PPP1R12B: variants seen among roughly 807,000 people sequenced by gnomAD.
The protein encoded by PPP1R12B is myosin phosphatase target subunit 2.
PPP1R12B carries 76 observed loss-of-function variants against 126.1 expected under a neutral mutation model. The ratio of observed to expected loss-of-function variants is 0.60; its 90% CI spans 0.50 to 0.73. The LOEUF is 0.73. Ranked by LOEUF, PPP1R12B falls within the 30% of genes least tolerant of loss-of-function variation. The pLI, the probability that PPP1R12B is intolerant of heterozygous loss-of-function variation, is 0.00. For missense variants in PPP1R12B, 1,052 were observed against 1,205.1 expected (o/e 0.87, Z 1.88); for synonymous variants, 356 against 434.7 (o/e 0.82, Z 2.25).
intron 15 of PPP1R12B, among the ~76,000 whole-genome samples, chr1:202,493,527 A>G (rs993462359): frequency 3.3e-5 from 5 of 152,184 alleles, no homozygotes; most frequent in African/African-American, 1.2e-4. Context: ...GAGTTCACTG[A>G]TGCTTTTGAA....
intron 13 of PPP1R12B, among the ~76,000 whole-genome samples, chr1:202,475,566 A>G (rs1187426472): frequency 3.3e-5 from 5 of 152,208 alleles, no homozygotes; most frequent in African/African-American, 1.2e-4. Context: ...TTGTGGTGCA[A>G]TATAAGAAAA....
intron 23 of PPP1R12B, chr1:202,576,090 C>T (rs1039235392): frequency 6.6e-6 from 1 of 152,352 alleles, no homozygotes; most frequent in African/African-American, 2.4e-5. Flanking sequence ...AGTGTGTGGG[C>T]TGTGAGGCAG....
intron 12 of PPP1R12B, 22 bp downstream of exon 12, chr1:202,442,594 G>A: frequency 1.9e-6 from 3 of 1,596,310 alleles, no homozygotes; most frequent in East Asian, 2.2e-5. Context: ...AAAGGGGGTG[G>A]GAGATGTTTC....
chr1:202,436,506 G>T (rs549267304), intron 9 of PPP1R12B, among the ~76,000 whole-genome samples: 1 of 152,274 alleles, frequency 6.6e-6, no homozygotes, highest in East Asian at 1.9e-4. Context: ...GCTGTATCAG[G>T]CAGTAAAGGT....
At chr1:202,513,942 G>A (rs944346745) in intron 18 of PPP1R12B, among the ~76,000 whole-genome samples, 2 of 152,222 alleles carry the variant, frequency 1.3e-5, no homozygotes, top group Admixed American at 1.3e-4. Flanking sequence ...AGCCTGGAAA[G>A]GAGAGTTCTG....
intron 13 of PPP1R12B, among the ~76,000 whole-genome samples, chr1:202,488,009 A>G (rs1245895294): frequency 6.6e-6 from 1 of 152,256 alleles, no homozygotes; most frequent in East Asian, 1.9e-4. Flanking sequence ...AGTTTAATTT[A>G]TAATTAGGCA....
Position 202,570,493 on chromosome 1 carries a change from T to C in PPP1R12B, c.2862+1296T>C, listed in dbSNP as rs372647144. Among the ~76,000 whole-genome samples, 9 of 152,302 alleles carry C rather than the reference T, an allele frequency of 5.9e-5. No homozygotes were observed. The East Asian group carries it at 1.5e-3, about 26-fold the overall frequency. On this transcript the variant is annotated intron_variant, in intron 23 of 23. Coordinates refer to ENST00000608999, the MANE Select transcript of PPP1R12B (RefSeq NM_002481.4). ...TAGAATTTTAAGCAATACCTGCTTA[T>C]ATCTCAAACATTTTAAATCTTCCAA...
chr1:202,500,648 A>G (rs1322435863), intron 18 of PPP1R12B, among the ~76,000 whole-genome samples: 1 of 152,186 alleles, frequency 6.6e-6, no homozygotes, highest in Non-Finnish European at 1.5e-5. Flanking sequence ...AATAAGTTCT[A>G]GTGTTCTATA....
chr1:202,419,187 G>T lies in PPP1R12B; in HGVS notation c.422+2270G>T, dbSNP rs1668461970. Among the ~76,000 whole-genome samples, 1 of 152,098 alleles carries T rather than the reference G, an allele frequency of 6.6e-6. No individual in the cohort carries two copies. The highest frequency in any genetic ancestry group is 2.4e-5 in the African/African-American group (1 of 41,416). Reference sequence around the variant, plus strand: ...TTTTACATTTTTTTTATGAATAAATGTTTCACTTAGAAGCAGCAGATTGAC... The same window carrying T: ...TTTTACATTTTTTTTATGAATAAATTTTTCACTTAGAAGCAGCAGATTGAC... On this transcript the variant is annotated intron_variant, in intron 2 of 23. Transcript: ENST00000608999. The surrounding 1 kb of genome is among the most constrained non-coding windows in gnomAD (Gnocchi z 4.6).
intron 8 of PPP1R12B, among the ~76,000 whole-genome samples, chr1:202,434,021 A>T (rs929078662): frequency 6.6e-6 from 1 of 152,250 alleles, no homozygotes; most frequent in Non-Finnish European, 1.5e-5. Flanking sequence ...CATGAGAGAT[A>T]TAAGTGTAGT....
chr1:202,391,166 T>C, intron 1 of PPP1R12B, among the ~76,000 whole-genome samples: 1 of 151,982 alleles, frequency 6.6e-6, no homozygotes, highest in South Asian at 2.1e-4. Flanking sequence ...ACTTTAATAA[T>C]AAATAAATAA....
rs1365310142 is a variant in PPP1R12B at position 202,424,354 on chromosome 1, C to T, written c.542-1212C>T. ...TTTTTTTTTTTTTGAGACAGAGTCT[C>T]ACTGTGTCTCCCAGGCTGGAGTGCA... On this transcript the variant is annotated intron_variant, in intron 3 of 23. Coordinates refer to ENST00000608999, the MANE Select transcript of PPP1R12B (RefSeq NM_002481.4). Among the ~76,000 whole-genome samples the T allele has an allele frequency of 6.0e-5, 9 of 149,876 alleles. No individual in the cohort carries two copies. In the East Asian group the frequency reaches 1.8e-3, roughly 29 times the overall value.
At chr1:202,352,987 G>T (rs1157034871) in intron 1 of PPP1R12B, among the ~76,000 whole-genome samples, 1 of 152,224 alleles carries the variant, frequency 6.6e-6, no homozygotes, top group Non-Finnish European at 1.5e-5. Flanking sequence ...GTTTGTAGTT[G>T]AATAAGCCTT....
intron 14 of PPP1R12B, among the ~76,000 whole-genome samples, chr1:202,489,902 A>C (rs1678644066): frequency 6.6e-6 from 1 of 152,242 alleles, no homozygotes; most frequent in Non-Finnish European, 1.5e-5. Context: ...GAAGCAGTTT[A>C]AGGGAATATG....
chr1:202,386,055 T>C (rs1663079771), intron 1 of PPP1R12B, among the ~76,000 whole-genome samples: 1 of 151,630 alleles, frequency 6.6e-6, no homozygotes, highest in Non-Finnish European at 1.5e-5. Flanking sequence ...TGCCTCAGCC[T>C]CCCTAGTAGC....
At chr1:202,362,652 G>GT (rs1558130594) in intron 1 of PPP1R12B, among the ~76,000 whole-genome samples, 5 of 124,390 alleles carry the variant, frequency 4.0e-5, no homozygotes, top group South Asian at 3.3e-4. Context: ...CAAGGCCCAG[G>GT]GTTTTTGTTT....
Position 202,434,639 on chromosome 1 carries a change from CT to C in PPP1R12B, c.1142-15del. The stretch of plus-strand genomic sequence containing the variant: ...TTTTATACTAGTACTTGTTAATTCT[CT>C]TGTCTTAAATAACAGATAAAAAGCC... On this transcript the variant is annotated splice_polypyrimidine_tract_variant and intron_variant, in intron 8 of 23. Transcript: ENST00000608999. The C allele has an allele frequency of 3.1e-6, 5 of 1,600,872 alleles. No individual in the cohort carries two copies. The highest frequency in any genetic ancestry group is 4.2e-6 in the Non-Finnish European group (5 of 1,177,028).
intron 13 of PPP1R12B, among the ~76,000 whole-genome samples, chr1:202,488,205 A>T (rs1394216941): frequency 3.9e-5 from 6 of 152,260 alleles, no homozygotes; most frequent in African/African-American, 4.8e-5. Flanking sequence ...ATGGAACAGC[A>T]TGAAATTTCA....
At chr1:202,466,080 C>T (rs1283359184) in intron 13 of PPP1R12B, among the ~76,000 whole-genome samples, 2 of 152,160 alleles carry the variant, frequency 1.3e-5, no homozygotes, top group African/African-American at 2.4e-5. Context: ...TTTTTCCTGT[C>T]GTAATAGGAT....
Sources: allele counts gnomAD v4.1 joint callset (sites outside exome capture counted in the v4.1 genomes callset), GRCh38; gene constraint gnomAD v4.1.1; non-coding constraint Gnocchi (gnomAD v3.1); transcripts MANE v1.5; gene names NCBI Gene and HGNC (gene_info 2026-07-23, HGNC 2026-07-21).